Variants in CTNNA2 observed in about 807,000 individuals in gnomAD.
CTNNA2 encodes catenin alpha 2.
Under a neutral mutation model 101.0 loss-of-function variants are expected in CTNNA2, and 42 were observed. The ratio of observed to expected loss-of-function variants is 0.42; its 90% CI spans 0.32 to 0.54. CTNNA2 has a LOEUF of 0.54. CTNNA2 is among the 20% of genes least tolerant of loss of function. The pLI, the probability that CTNNA2 is intolerant of heterozygous loss-of-function variation, is 0.14. For missense variants in CTNNA2, 871 were observed against 1,223.1 expected (o/e 0.71, Z 4.29); for synonymous variants, 450 against 456.4 (o/e 0.99, Z 0.18).
chr2:79,778,350 A>AT (rs1029163007), intron 3 of CTNNA2, among the ~76,000 whole-genome samples: 1 of 152,118 alleles, frequency 6.6e-6, no homozygotes, highest in African/African-American at 2.4e-5. Flanking sequence ...ATCAAAAAAA[A>AT]AAATAAAAAA....
intron 7 of CTNNA2, among the ~76,000 whole-genome samples, chr2:80,306,750 C>T (rs1677063454): frequency 6.6e-6 from 1 of 151,852 alleles, no homozygotes; most frequent in East Asian, 2.0e-4. Flanking sequence ...GCCAGCCATT[C>T]AGCGAGTACT....
chr2:79,578,631 A>G (rs548004248), intron 1 of CTNNA2, among the ~76,000 whole-genome samples: 4 of 151,840 alleles, frequency 2.6e-5, no homozygotes, highest in East Asian at 1.9e-4. Flanking sequence ...TTTGAAGACT[A>G]TTTTCTCCCA....
chr2:79,683,251 G>A (rs1438903468), intron 2 of CTNNA2, among the ~76,000 whole-genome samples: 1 of 152,198 alleles, frequency 6.6e-6, no homozygotes, highest in Non-Finnish European at 1.5e-5. Context: ...CAGCTTCAGA[G>A]ATTAGATCCA....
At chr2:79,768,251 G>A (rs1360783523) in intron 3 of CTNNA2, among the ~76,000 whole-genome samples, 1 of 151,618 alleles carries the variant, frequency 6.6e-6, no homozygotes, top group Non-Finnish European at 1.5e-5. Context: ...TTTGCATGGG[G>A]TCAGGGAGGG....
chr2:80,150,849 T>G (rs1345858857), intron 7 of CTNNA2, among the ~76,000 whole-genome samples: 1 of 152,218 alleles, frequency 6.6e-6, no homozygotes, highest in Non-Finnish European at 1.5e-5. Context: ...TATCACCCTT[T>G]TATTTTCAGG....
intron 2 of CTNNA2, among the ~76,000 whole-genome samples, chr2:79,261,438 G>A (rs1224663216): frequency 6.6e-6 from 1 of 152,204 alleles, no homozygotes; most frequent in Non-Finnish European, 1.5e-5. Context: ...TGCAAAGTTG[G>A]TGTATTCATC....
chr2:79,353,882 T>C (rs968068349), intron 3 of CTNNA2, among the ~76,000 whole-genome samples: 7 of 152,142 alleles, frequency 4.6e-5, no homozygotes, highest in African/African-American at 1.4e-4. Context: ...ATTCCCTTAG[T>C]GTTTGCTTGC....
intron 7 of CTNNA2, among the ~76,000 whole-genome samples, chr2:80,311,061 G>C (rs1054631363): frequency 6.6e-6 from 1 of 151,722 alleles, no homozygotes; most frequent in Non-Finnish European, 1.5e-5. Flanking sequence ...AATCACCAGA[G>C]ATGAACTATT....
At position 79,340,629 on chromosome 2, in the gene CTNNA2, A is replaced by C. The variant is rs111276841; in HGVS notation, c.-318+27833A>C. 3.9e-3 allele frequency among the ~76,000 whole-genome samples: 600 copies of C among 152,050 alleles called. 3 individuals are homozygous for C. The highest frequency in any genetic ancestry group is 0.012 in the African/African-American group (493 of 41,480). ...CGGGCGGATCACGAGGTCAGGAGAT[A>C]GAGACCGTCCTGGCTAACACGGTGA... On this transcript the variant is annotated intron_variant, in intron 3 of 21. Transcript: ENST00000466387.
intron 9 of CTNNA2, among the ~76,000 whole-genome samples, chr2:80,515,907 C>T (rs1000877207): frequency 1.3e-5 from 2 of 152,108 alleles, no homozygotes; most frequent in Non-Finnish European, 2.9e-5. Context: ...AAAACTTGCC[C>T]AAATCCAGAT....
rs1674296690 is a variant in CTNNA2, at chr2:80,648,041, C to A, written c.*169C>A. 1 of 580,958 alleles carries A rather than the reference C, an allele frequency of 1.7e-6. No individual in the cohort carries two copies. The highest frequency in any genetic ancestry group is 2.9e-6 in the Non-Finnish European group (1 of 342,390). 36.0% of individuals were successfully genotyped at this position (580,958 alleles called of 1,614,324 possible). A position where few individuals can be genotyped will look rare whatever the true frequency, so the allele number is the denominator to read the frequency against. On this transcript the variant is annotated 3_prime_UTR_variant, in exon 19 of 19. Transcript: ENST00000402739. ...TGAGATGAGATCAATACTACTGATC[C>A]ATCTGTAGCCTGGGAAGGAGACAGG...
At chr2:80,076,269 C>G (rs142991973) in intron 7 of CTNNA2, among the ~76,000 whole-genome samples, 1,973 of 150,038 alleles carry the variant, frequency 0.013, 38 homozygotes, top group African/African-American at 0.045. Context: ...CTTTTTGCAT[C>G]ATTTTTTCCT....
At chr2:80,381,851 C>T (rs1269904796) in intron 7 of CTNNA2, among the ~76,000 whole-genome samples, 1 of 152,186 alleles carries the variant, frequency 6.6e-6, no homozygotes, top group Non-Finnish European at 1.5e-5. Context: ...AATCTATTCT[C>T]TTTCAGTTCC....
intron 3 of CTNNA2, among the ~76,000 whole-genome samples, chr2:79,371,248 A>G (rs1677864751): frequency 6.6e-6 from 1 of 151,934 alleles, no homozygotes; most frequent in Non-Finnish European, 1.5e-5. Context: ...GATGCGATGG[A>G]AGGAGCACTT....
intron 7 of CTNNA2, chr2:80,288,498 G>A (rs1674965750): frequency 6.6e-6 from 1 of 152,190 alleles, no homozygotes; most frequent in African/African-American, 2.4e-5. Flanking sequence ...AACAGAAGCT[G>A]TTTATTACAG....
At chr2:79,674,310 T>G (rs1465428792) in intron 2 of CTNNA2, among the ~76,000 whole-genome samples, 1 of 152,172 alleles carries the variant, frequency 6.6e-6, no homozygotes, top group Non-Finnish European at 1.5e-5. Context: ...TGAGAGAAGG[T>G]CACAGTTAAT....
intron 7 of CTNNA2, among the ~76,000 whole-genome samples, chr2:80,087,550 T>C (rs1383254082): frequency 6.6e-6 from 1 of 152,016 alleles, no homozygotes; most frequent in Non-Finnish European, 1.5e-5. Flanking sequence ...AAAGTAGCCT[T>C]CTGGGTATAG....
At chr2:80,352,629 C>T (rs1251772636) in intron 7 of CTNNA2, among the ~76,000 whole-genome samples, 1 of 152,098 alleles carries the variant, frequency 6.6e-6, no homozygotes, top group Non-Finnish European at 1.5e-5. Context: ...GGAATGGTTG[C>T]TTGGTCCCCA....
chr2:80,145,914 C>G lies in CTNNA2; in HGVS notation c.1056+236117C>G, dbSNP rs191042861. On this transcript the variant is annotated intron_variant, in intron 7 of 18. Coordinates refer to ENST00000402739, the MANE Select transcript of CTNNA2 (RefSeq NM_001282597.3). ...GATGTCTCGTGTAATATTTTTACCA[C>G]TTCTGCCATTGAGCAGTGGAGTCTA... Among the ~76,000 whole-genome samples the G allele has an allele frequency of 3.6e-4, 55 of 152,344 alleles. No individual in the cohort carries two copies. In the South Asian group the frequency reaches 7.9e-3, roughly 22 times the overall value.
Sources: allele counts gnomAD v4.1 joint callset (sites outside exome capture counted in the v4.1 genomes callset), GRCh38; gene constraint gnomAD v4.1.1; transcripts MANE v1.5; gene names NCBI Gene and HGNC (gene_info 2026-07-23, HGNC 2026-07-21).